Variants in UTS2 observed in about 807,000 individuals in gnomAD.
UTS2 encodes the protein urotensin-2.
In UTS2, 10 loss-of-function variants were observed where a neutral mutation model predicts 12.6. That is an observed-to-expected ratio of 0.80 (90% CI 0.49 to 1.35). The LOEUF (loss-of-function observed/expected upper bound fraction) is 1.35. UTS2 is among the 40% of genes most tolerant of loss of function. The pLI, the probability that UTS2 is intolerant of heterozygous loss-of-function variation, is 0.00. For synonymous variants in UTS2, 52 were observed against 50.0 expected (o/e 1.04, Z -0.17); for missense variants, 142 against 143.2 (o/e 0.99, Z 0.04).
chr1:7,909,546 C>CAAAAAAAAAAAAA, the UTS2 span, among the ~76,000 whole-genome samples: 1 of 104,208 alleles, frequency 9.6e-6, no homozygotes, highest in Non-Finnish European at 2.0e-5. Context: ...GACTCTGTCT[C>CAAAAAAAAAAAAA]AAAAAAAAAA....
chr1:7,903,836 C>T, the UTS2 span, among the ~76,000 whole-genome samples: 1,110 of 152,286 alleles, frequency 7.3e-3, 17 homozygotes, highest in African/African-American at 0.025. Flanking sequence ...TGAAGAGCCA[C>T]AGCCCCTTCA....
At chr1:7,913,074 T>A in the UTS2 span, among the ~76,000 whole-genome samples, 1 of 151,238 alleles carries the variant, frequency 6.6e-6, no homozygotes, top group Non-Finnish European at 1.5e-5. Flanking sequence ...AATAGTCGAT[T>A]TACAAACCAA....
chr1:7,868,899 A>AGACAAGAGAGCTCTCTCTGCCTTGTGAG, the UTS2 span, among the ~76,000 whole-genome samples: 1 of 152,198 alleles, frequency 6.6e-6, no homozygotes, highest in African/African-American at 2.4e-5. Flanking sequence ...AAACAGGAAG[A>AGACAAGAGAGCTCTCTCTGCCTTGTGAG]GACAAGAGAG....
At chr1:7,891,535 G>GAAAAGAAAGAAAGAAAGAAA in the UTS2 span, among the ~76,000 whole-genome samples, 9 of 43,616 alleles carry the variant, frequency 2.1e-4, no homozygotes, top group African/African-American at 7.9e-4. Flanking sequence ...AAGAAAGAAA[G>GAAAAGAAAGAAAGAAAGAAA]AAAAGAAAGA....
chr1:7,898,187 C>G, the UTS2 span, among the ~76,000 whole-genome samples: 48,179 of 151,824 alleles, frequency 0.32, 9,008 homozygotes, highest in Non-Finnish European at 0.41. Flanking sequence ...GTCTAGAAAC[C>G]CCAATACATG....
chr1:7,887,875 C>T, the UTS2 span, among the ~76,000 whole-genome samples: 282 of 151,856 alleles, frequency 1.9e-3, 3 homozygotes, highest in Middle Eastern at 6.8e-3. Flanking sequence ...GTTTTTAAAA[C>T]GAAGCCACTT....
chr1:7,891,754 TTAAAAA>T, the UTS2 span, among the ~76,000 whole-genome samples: 1 of 152,092 alleles, frequency 6.6e-6, no homozygotes, highest in Non-Finnish European at 1.5e-5. Context: ...TTTTTGTCAA[TTAAAAA>T]TAATTATTAT....
In UTS2 at chr1:7,852,916, A is replaced by G; in HGVS notation, c.88T>C (p.Ser30Pro). The G allele has an allele frequency of 6.2e-7, 1 of 1,610,082 alleles. No homozygotes were observed. The highest frequency in any genetic ancestry group is 8.5e-7 in the Non-Finnish European group (1 of 1,178,712). ...SLPLLDSREI[S>P]FQLSAPHEDA... is the part of the protein sequence containing the mutation. ...AAAATCTTACCTGAGAGTTGAAAGG[A>G]TATTTCCCTGGAGTCAAGGAGAGGA... The change falls in exon 1 of 4, where the codon TCC (serine) becomes CCC (proline). Residue 30 changes from serine to proline, a missense_variant. Transcript: ENST00000361696.
intron 1 of UTS2, among the ~76,000 whole-genome samples, 185 bp downstream of exon 1, chr1:7,852,716 G>A (rs965551886): frequency 6.6e-6 from 1 of 152,058 alleles, no homozygotes; most frequent in African/African-American, 2.4e-5. Context: ...AAAAAAAACT[G>A]TATCCATTAC....
the UTS2 span, among the ~76,000 whole-genome samples, chr1:7,869,119 G>A: frequency 2.0e-5 from 3 of 152,214 alleles, no homozygotes; most frequent in Non-Finnish European, 2.9e-5. Context: ...GAGGGATGGA[G>A]CTGCAGCAAC....
At chr1:7,858,945 G>T in the UTS2 span, among the ~76,000 whole-genome samples, 1 of 152,208 alleles carries the variant, frequency 6.6e-6, no homozygotes, top group African/African-American at 2.4e-5. Context: ...TCCATGAAGA[G>T]AAATTGATAG....
the UTS2 span, among the ~76,000 whole-genome samples, chr1:7,893,393 C>T: frequency 0.089 from 13,455 of 152,012 alleles, 879 homozygotes; most frequent in Non-Finnish European, 0.13. Flanking sequence ...CCCGGCTGCT[C>T]GGGAGGCTGA....
At chr1:7,861,275 G>A in the UTS2 span, among the ~76,000 whole-genome samples, 2 of 152,258 alleles carry the variant, frequency 1.3e-5, no homozygotes, top group Non-Finnish European at 2.9e-5. Context: ...ATTTGGTTTG[G>A]AAGTGTTGGT....
chr1:7,856,695 C>T (rs957998494), upstream of UTS2, among the ~76,000 whole-genome samples: 1 of 80,982 alleles, frequency 1.2e-5, no homozygotes, highest in Admixed American at 1.2e-4. Context: ...AGATATTTCT[C>T]AGCACCCCCA....
At chr1:7,873,798 G>A in the UTS2 span, among the ~76,000 whole-genome samples, 2 of 152,198 alleles carry the variant, frequency 1.3e-5, no homozygotes, top group Non-Finnish European at 2.9e-5. Context: ...GGCAGGGTTT[G>A]AAAGAACTGA....
At chr1:7,864,922 G>GTGTC in the UTS2 span, among the ~76,000 whole-genome samples, 43,429 of 107,130 alleles carry the variant, frequency 0.41, 14,542 homozygotes, top group East Asian at 0.67. Context: ...GTCCCTCTGT[G>GTGTC]TGTCTGTCCG....
intron 2 of UTS2, among the ~76,000 whole-genome samples, chr1:7,850,336 G>A (rs1291488796): frequency 2.0e-5 from 3 of 152,106 alleles, no homozygotes; most frequent in Admixed American, 6.5e-5. Flanking sequence ...ATGTGGCCAC[G>A]GGGGAATAAG....
At chr1:7,858,740 C>T in the UTS2 span, among the ~76,000 whole-genome samples, 1 of 152,158 alleles carries the variant, frequency 6.6e-6, no homozygotes, top group African/African-American at 2.4e-5. Context: ...TGCACCACCA[C>T]ACTCAGCTAA....
At chr1:7,872,299 CAAAAAAAA>C in the UTS2 span, among the ~76,000 whole-genome samples, 6 of 65,886 alleles carry the variant, frequency 9.1e-5, no homozygotes, top group Admixed American at 2.7e-4. Flanking sequence ...GACTCTGTCT[CAAAAAAAA>C]AAAAAAAAAA....
Sources: allele counts gnomAD v4.1 joint callset (sites outside exome capture counted in the v4.1 genomes callset), GRCh38; gene constraint gnomAD v4.1.1; transcripts MANE v1.5; gene names NCBI Gene and HGNC (gene_info 2026-07-23, HGNC 2026-07-21).